ARHGEF10L: variants seen among roughly 807,000 people sequenced by gnomAD.
ARHGEF10L encodes rho guanine nucleotide exchange factor 10-like protein.
In ARHGEF10L, 69 loss-of-function variants were observed where a neutral mutation model predicts 141.2. The ratio of observed to expected loss-of-function variants is 0.49; its 90% CI spans 0.40 to 0.60. ARHGEF10L has a LOEUF of 0.60. Ranked by LOEUF, ARHGEF10L falls within the 20% of genes least tolerant of loss-of-function variation. The probability of loss-of-function intolerance (pLI) is 0.00; values close to 1 mark genes in which losing one functional copy is unlikely to be tolerated. For missense variants in ARHGEF10L, 1,482 were observed against 1,734.3 expected, an observed-to-expected ratio of 0.85 and a Z score of 2.58; for synonymous variants, 711 against 718.5, an observed-to-expected ratio of 0.99 and a Z score of 0.17.
chr1:17,688,596 A>G (rs2064815135), intron 27 of ARHGEF10L, among the ~76,000 whole-genome samples: 1 of 152,182 alleles, frequency 6.6e-6, no homozygotes, highest in African/African-American at 2.4e-5. Flanking sequence ...AGCAGCTGGG[A>G]GAGCCAAAGG....
chr1:17,669,169 T>TTC (rs2063164669), intron 26 of ARHGEF10L, among the ~76,000 whole-genome samples: 1 of 152,074 alleles, frequency 6.6e-6, no homozygotes, highest in Non-Finnish European at 1.5e-5. Context: ...AAACCCCCTA[T>TTC]GGGGTTTGAG....
Position 17,616,178 on chromosome 1 carries a change from T to C in ARHGEF10L, c.811T>C (p.Phe271Leu). The C allele has an allele frequency of 1.2e-6, 2 of 1,613,582 alleles. No individual in the cohort carries two copies. Among genetic ancestry groups the C allele is most frequent in the Non-Finnish European group, 1.7e-6 (2 of 1,179,900 alleles). The change falls in exon 9 of 29, where the codon TTC becomes CTC. Residue 271 changes from phenylalanine to leucine, a missense_variant. Phe to Leu is a conservative substitution (Grantham distance 22). Around this residue, in one of 3 missense-constraint regions of ARHGEF10L, gnomAD observed 392 missense variants for 542.1 expected, o/e 0.72. Coordinates refer to ENST00000361221, the MANE Select transcript of ARHGEF10L (RefSeq NM_018125.4). Reference protein sequence around the residue: ...TRMAVMRKVSFLHRKDVLGDS... With the variant: ...TRMAVMRKVSLLHRKDVLGDS... ...GATGGCCGTGATGCGCAAAGTCTCC[T>C]TCCTGCACAGGAAGGACGTCCTCGG... is the stretch of plus-strand genomic sequence containing the variant.
chr1:17,584,679 G>GGA (rs1192973828), intron 2 of ARHGEF10L, among the ~76,000 whole-genome samples: 10 of 152,328 alleles, frequency 6.6e-5, no homozygotes, highest in African/African-American at 2.4e-4. Flanking sequence ...CTGAAAGAGG[G>GGA]GAGAGCAGGA....
chr1:17,529,122 C>T, the ARHGEF10L span, among the ~76,000 whole-genome samples: 1 of 152,122 alleles, frequency 6.6e-6, no homozygotes, highest in Non-Finnish European at 1.5e-5. Context: ...CCTGCCTCAG[C>T]CTCCCAAGTA....
intron 1 of ARHGEF10L, among the ~76,000 whole-genome samples, chr1:17,562,233 G>A (rs1156265023): frequency 6.6e-6 from 1 of 152,180 alleles, no homozygotes; most frequent in African/African-American, 2.4e-5. Context: ...TGGGCAGCAT[G>A]ATGAGACCCC....
At chr1:17,640,332 G>A (rs2061257781) in intron 21 of ARHGEF10L, 30 bp downstream of exon 21, 2 of 1,574,576 alleles carry the variant, frequency 1.3e-6, no homozygotes, top group African/African-American at 2.7e-5. Flanking sequence ...GAGTGCCTCA[G>A]GGGGCAGGGG....
chr1:17,625,971 A>T lies in ARHGEF10L; in HGVS notation c.1333A>T (p.Ser445Cys). 2 of 1,613,882 alleles carry T rather than the reference A, an allele frequency of 1.2e-6. No homozygotes were observed. Among genetic ancestry groups the T allele is most frequent in the Non-Finnish European group, 1.7e-6 (2 of 1,179,850 alleles). The change falls in exon 14 of 29, where the codon AGC (serine) becomes TGC (cysteine). Residue 445 changes from serine (S) to cysteine (C), a missense_variant. Transcript: ENST00000361221. This position sits in a 1 kb window ranked among gnomAD's most constrained non-coding sequence, Gnocchi z 4.5. Reference protein sequence around the residue: ...LEFLKRRQVCSPDRVTLYGLM... With the variant: ...LEFLKRRQVCCPDRVTLYGLM... The stretch of plus-strand genomic sequence containing the variant: ...TCTCCACCAGCGACGGCAGGTGTGC[A>T]GCCCAGACCGTGTCACCCTCTACGG...
rs775757367 is a variant in ARHGEF10L at position 17,545,454 on chromosome 1, A to G, written c.-44+5504A>G. Among the ~76,000 whole-genome samples, 12 of 152,324 alleles carry G rather than the reference A, an allele frequency of 7.9e-5. No individual in the cohort carries two copies. In the Middle Eastern group the frequency reaches 0.02, roughly 259 times the overall value. ...TCAAATCACAGGAGCTCTCCATTCC[A>G]GCAAGTGAGTTGTTACCATGCACCA... On this transcript the variant is annotated intron_variant, in intron 1 of 28. Transcript: ENST00000361221.
Position 17,644,945 on chromosome 1 carries a change from A to T in ARHGEF10L, c.2273-3609A>T, listed in dbSNP as rs1163549221. ...TCTACATGAGGCCACAGGCTCAGAG[A>T]GGGTAAGCACTTGGCTCCGTGTCAC... is the stretch of plus-strand genomic sequence containing the variant. On this transcript the variant is annotated intron_variant, in intron 21 of 28. Coordinates refer to ENST00000361221, the MANE Select transcript of ARHGEF10L (RefSeq NM_018125.4). This position sits in a 1 kb window ranked among gnomAD's most constrained non-coding sequence, Gnocchi z 4.5. 6.6e-6 allele frequency among the ~76,000 whole-genome samples: 1 copy of T among 152,048 alleles called. No homozygotes were observed. The highest frequency in any genetic ancestry group is 1.5e-5 in the Non-Finnish European group (1 of 68,012).
In ARHGEF10L at chr1:17,560,424, T is replaced by G. The variant is rs74061630; in HGVS notation, c.-43-20129T>G. Among the ~76,000 whole-genome samples the G allele has an allele frequency of 3.3e-3, 501 of 152,314 alleles. 2 individuals carry two copies. The highest frequency in any genetic ancestry group is 0.011 in the African/African-American group (462 of 41,574). ...CCTGAGGTTTGCTTTCTGGCTCCAC[T>G]TTGCCTGGGCCTCAAATGCCCCTTT... is the stretch of plus-strand genomic sequence containing the variant. On this transcript the variant is annotated intron_variant, in intron 1 of 28. Transcript: ENST00000361221.
intron 1 of ARHGEF10L, among the ~76,000 whole-genome samples, chr1:17,548,776 G>C (rs2077007236): frequency 6.7e-6 from 1 of 149,040 alleles, no homozygotes; most frequent in Non-Finnish European, 1.5e-5. Flanking sequence ...AGCCTCCTGA[G>C]TAGATGGGAT....
intron 26 of ARHGEF10L, among the ~76,000 whole-genome samples, chr1:17,686,344 C>T (rs576573350): frequency 6.6e-6 from 1 of 152,270 alleles, no homozygotes; most frequent in East Asian, 1.9e-4. Context: ...CCAAATTTTA[C>T]TGTGCTGGGC....
At position 17,611,050 on chromosome 1, in the gene ARHGEF10L, G is replaced by A. The variant is rs971596961; in HGVS notation, c.610-2008G>A. On this transcript the variant is annotated intron_variant, in intron 7 of 28. Transcript: ENST00000361221. ...AAGGTCTCTGATCCAGCTGGACGGGGACTGGGCAGAACTCATGGATTCATT... is the reference window on the plus strand; with the variant it reads ...AAGGTCTCTGATCCAGCTGGACGGGAACTGGGCAGAACTCATGGATTCATT... 2.6e-5 allele frequency among the ~76,000 whole-genome samples: 4 copies of A among 152,188 alleles called. No individual in the cohort carries two copies. In the East Asian group the frequency reaches 7.7e-4, roughly 29 times the overall value.
intron 1 of ARHGEF10L, among the ~76,000 whole-genome samples, chr1:17,569,155 C>T (rs962757195): frequency 1.4e-4 from 22 of 152,176 alleles, no homozygotes; most frequent in African/African-American, 4.3e-4. Context: ...ACCTGCCATT[C>T]GTGGGTTGGC....
chr1:17,560,288 T>A (rs1370859991), intron 1 of ARHGEF10L, among the ~76,000 whole-genome samples: 2 of 152,178 alleles, frequency 1.3e-5, no homozygotes. Context: ...AATGGGCCTA[T>A]GGCTAGAACC....
chr1:17,588,694 C>T (rs903900905), intron 4 of ARHGEF10L, among the ~76,000 whole-genome samples: 7 of 152,084 alleles, frequency 4.6e-5, no homozygotes, highest in Middle Eastern at 3.4e-3. Context: ...TCTGAAACCG[C>T]AGGAGGCAGG....
chr1:17,564,805 C>T (rs1047137932), intron 1 of ARHGEF10L, among the ~76,000 whole-genome samples: 9 of 152,160 alleles, frequency 5.9e-5, no homozygotes, highest in Non-Finnish European at 1.3e-4. Context: ...GCAGTTAACA[C>T]GTGTTCGGTG....
intron 26 of ARHGEF10L, 121 bp from the exon 27 acceptor site, chr1:17,687,452 G>A: frequency 1.8e-6 from 2 of 1,118,314 alleles, no homozygotes; most frequent in South Asian, 1.6e-5. Context: ...GGCTTCTAAT[G>A]TTCCCTGAGT....
At chr1:17,646,202 C>T (rs2061588307) in intron 21 of ARHGEF10L, among the ~76,000 whole-genome samples, 1 of 152,226 alleles carries the variant, frequency 6.6e-6, no homozygotes, top group South Asian at 2.1e-4. Flanking sequence ...TCACCTGCCA[C>T]CTCATTCCAG....
Sources: gnomAD v4.1 joint callset for allele counts (sites outside exome capture counted in the v4.1 genomes callset) on GRCh38, gnomAD v4.1.1 for gene constraint, gnomAD v4.1.1 regional missense constraint, Gnocchi (gnomAD v3.1) non-coding constraint, MANE v1.5 for transcripts, NCBI Gene and HGNC (gene_info 2026-07-23, HGNC 2026-07-21) for gene names.